The following DHX29 variants were observed in gnomAD, a reference collection of about 807,000 sequenced individuals.
DHX29 encodes ATP-dependent RNA helicase DHX29.
A neutral mutation model predicts 167.9 loss-of-function variants in DHX29; 79 were observed. The ratio of observed to expected loss-of-function variants is 0.47; its 90% CI spans 0.39 to 0.57. The LOEUF is 0.57. Ranked by LOEUF, DHX29 falls within the 20% of genes least tolerant of loss-of-function variation. The pLI is 0.00. For missense variants in DHX29, 1,347 were observed against 1,593.4 expected (o/e 0.85, Z 2.63); for synonymous variants, 530 against 546.0 (o/e 0.97, Z 0.41).
At chr5:55,292,445 G>A (rs1000578405) in intron 6 of DHX29, among the ~76,000 whole-genome samples, 1 of 151,976 alleles carries the variant, frequency 6.6e-6, no homozygotes, top group African/African-American at 2.4e-5. Context: ...TCACACCTGA[G>A]CAAGTGCAAT....
intron 21 of DHX29, among the ~76,000 whole-genome samples, 188 bp from the exon 22 acceptor site, chr5:55,268,010 CTT>C (rs1324317575): frequency 4.6e-5 from 7 of 151,894 alleles, no homozygotes; most frequent in African/African-American, 9.7e-5. Context: ...CTATAGCTAA[CTT>C]ATATTTTCAT....
chr5:55,280,234 T>C (rs756629803), intron 12 of DHX29, among the ~76,000 whole-genome samples: 1 of 152,182 alleles, frequency 6.6e-6, no homozygotes, highest in Non-Finnish European at 1.5e-5. Context: ...TGGAGCTCAA[T>C]TCAGTTAACT....
intron 21 of DHX29, 99 bp from the exon 22 acceptor site, chr5:55,267,921 T>TTA: frequency 1.3e-6 from 1 of 748,490 alleles, no homozygotes; most frequent in Non-Finnish European, 1.9e-6. Flanking sequence ...CAATCACACT[T>TTA]TAAGTTGCCT....
Position 55,295,415 on chromosome 5 carries a change from A to T in DHX29, c.615T>A (p.Pro205=). ...GGTCCTCTTCATATGTTTTTGTTTT[A>T]GGTTGCAATGGAGGTGAAATAGTGG... The part of the protein sequence containing the change: ...IQATISPPLQ[P]KTKTYEEDPK... Residue 205 remains proline (P), a synonymous_variant, in exon 5 of 27, where the codon CCT becomes CCA. Transcript: ENST00000251636. 1.2e-6 allele frequency: 2 copies of T among 1,613,444 alleles called. No homozygotes were observed. The highest frequency in any genetic ancestry group is 2.2e-5 in the East Asian group (1 of 44,828).
chr5:55,273,551 C>T, intron 16 of DHX29, 174 bp from the exon 17 acceptor site: 1 of 712,582 alleles, frequency 1.4e-6, no homozygotes, highest in East Asian at 3.4e-5. Flanking sequence ...ACATGCATCA[C>T]AAAGAATATA....
intron 18 of DHX29, among the ~76,000 whole-genome samples, chr5:55,271,783 T>G (rs954237726): frequency 5.3e-5 from 8 of 152,252 alleles, no homozygotes; most frequent in African/African-American, 1.9e-4. Flanking sequence ...GAATGCTTTT[T>G]GTTAAACAAT....
At chr5:55,286,802 A>G (rs1747753352) in intron 8 of DHX29, among the ~76,000 whole-genome samples, 1 of 152,236 alleles carries the variant, frequency 6.6e-6, no homozygotes, top group African/African-American at 2.4e-5. Flanking sequence ...ACTGGATAGT[A>G]CAGATATAGA....
In DHX29 at chr5:55,271,643, G is replaced by C. The variant is rs80189734; in HGVS notation, c.2864+444C>G. ...ACTCCGTCTCAAAAATAAAATAAAA[G>C]AAATTTTCATTTTACCCATTTACAA... On this transcript the variant is annotated intron_variant, in intron 18 of 26. Transcript: ENST00000251636. Among the ~76,000 whole-genome samples, 49 of 152,168 alleles carry C rather than the reference G, an allele frequency of 3.2e-4. No individual in the cohort carries two copies. In the East Asian group the frequency reaches 9.5e-3, roughly 29 times the overall value.
At chr5:55,257,541 C>T (rs1026912805) in intron 26 of DHX29, among the ~76,000 whole-genome samples, 1 of 152,212 alleles carries the variant, frequency 6.6e-6, no homozygotes, top group Non-Finnish European at 1.5e-5. Flanking sequence ...CTTCCCATCT[C>T]AGCCCTCTGA....
rs188160971 is a variant in DHX29 at position 55,270,393 on chromosome 5, C to A, written c.3069+19G>T. ...AAAGGGGCGAAGGACAAAATCCATC[C>A]GAGTTCCCTTGAGATTACCATAATA... On this transcript the variant is annotated intron_variant, in intron 20 of 26. Transcript: ENST00000251636. The A allele has an allele frequency of 7.1e-4, 1,134 of 1,588,352 alleles. 9 individuals are homozygous for A. In the Middle Eastern group the frequency reaches 0.012, roughly 17 times the overall value.
chr5:55,274,711 T>C lies in DHX29; in HGVS notation c.2593A>G (p.Asn865Asp). 1 of 1,593,066 alleles carries C rather than the reference T, an allele frequency of 6.3e-7. No homozygotes were observed. The highest frequency in any genetic ancestry group is 8.5e-7 in the Non-Finnish European group (1 of 1,173,596). Reference sequence around the variant, plus strand: ...AAGATCAATACTGCTCCTTCAATATTTCTGAATTGGGGACTTTTATCTGAA... The same window carrying C: ...AAGATCAATACTGCTCCTTCAATATCTCTGAATTGGGGACTTTTATCTGAA... ...AYLDKSPQFR[N>D]IEGAVLIFLP... Residue 865 changes from asparagine to aspartate, a missense_variant, in exon 16 of 27, where the codon AAT becomes GAT. By Grantham distance (23) the Asn-to-Asp change is conservative. Coordinates refer to ENST00000251636, the MANE Select transcript of DHX29 (RefSeq NM_019030.4).
chr5:55,272,841 T>C (rs370398682), intron 17 of DHX29, among the ~76,000 whole-genome samples: 1 of 152,120 alleles, frequency 6.6e-6, no homozygotes, highest in Non-Finnish European at 1.5e-5. Flanking sequence ...AAAATCACAT[T>C]AATGAGAACT....
At chr5:55,303,424 G>C (rs1456686944) in intron 1 of DHX29, among the ~76,000 whole-genome samples, 1 of 152,170 alleles carries the variant, frequency 6.6e-6, no homozygotes, top group Non-Finnish European at 1.5e-5. Flanking sequence ...GAGTAATAAA[G>C]GGGAAGTGCA....
At position 55,307,693 on chromosome 5, in the gene DHX29, T is replaced by A; in HGVS notation, c.-120A>T. On this transcript the variant is annotated 5_prime_UTR_variant, in exon 1 of 27. Coordinates refer to ENST00000251636, the MANE Select transcript of DHX29 (RefSeq NM_019030.4). ...CACCCTGCGCTTCGATCCGGGCTTC[T>A]CGGGCCGGGGCGACCGCTGCCTCGC... 7.4e-7 allele frequency: 1 copy of A among 1,349,610 alleles called. No homozygotes were observed. The allele number at this position is 1,349,610 out of a possible 1,614,324, so 83.6% of individuals were successfully genotyped here.
intron 4 of DHX29, 76 bp from the exon 5 acceptor site, chr5:55,295,600 T>C (rs1389537289): frequency 3.4e-6 from 5 of 1,485,008 alleles, no homozygotes; most frequent in Middle Eastern, 1.8e-4. Flanking sequence ...GTTAAGCATT[T>C]GTAAACCTTG....
intron 26 of DHX29, among the ~76,000 whole-genome samples, chr5:55,259,020 A>G (rs1409077623): frequency 6.6e-6 from 1 of 152,146 alleles, no homozygotes; most frequent in Non-Finnish European, 1.5e-5. Flanking sequence ...ATATATACAT[A>G]TATTTCTTAG....
Position 55,290,251 on chromosome 5 carries a change from C to G in DHX29, c.874G>C (p.Glu292Gln). 1 of 1,611,068 alleles carries G rather than the reference C, an allele frequency of 6.2e-7. No individual in the cohort carries two copies. Among genetic ancestry groups the G allele is most frequent in the Non-Finnish European group, 8.5e-7 (1 of 1,179,570 alleles). The change falls in exon 7 of 27, where the codon GAG becomes CAG. Residue 292 changes from glutamate to glutamine, a missense_variant. By Grantham distance (29) the Glu-to-Gln change is conservative. Transcript: ENST00000251636. ...AATTTCCTTATTTTTTCCTGAGCCT[C>G]TTTTTGGCCTTGCTTGTTTTTTTCT... The part of the protein sequence containing the change: ...KLEKNKQGQK[E>Q]AQEKIRKFQR...
In DHX29 at chr5:55,296,258, T is replaced by C; in HGVS notation, c.467A>G (p.His156Arg). ...TNTLLYGGDL[H>R]SALDWLCLNL... is the part of the protein sequence containing the mutation. ...TAAACAGAGCCAATCCAAGGCAGAA[T>C]GAAGGTCACCTCCATATAAGAGTGT... is the stretch of plus-strand genomic sequence containing the variant. Residue 156 changes from histidine to arginine, a missense_variant, in exon 4 of 27, where the codon CAT (histidine) becomes CGT (arginine). By Grantham distance (29) the His-to-Arg change is conservative. Transcript: ENST00000251636. 1 of 1,613,524 alleles carries C rather than the reference T, an allele frequency of 6.2e-7. No individual in the cohort carries two copies. Among genetic ancestry groups the C allele is most frequent in the Admixed American group, 1.7e-5 (1 of 59,992 alleles).
At chr5:55,305,021 A>C (rs551000568) in intron 1 of DHX29, among the ~76,000 whole-genome samples, 45 of 152,292 alleles carry the variant, frequency 3.0e-4, no homozygotes, top group Admixed American at 2.0e-3. Context: ...GGTCTTAATA[A>C]TTCCTTTGAA....
Sources: allele counts gnomAD v4.1 joint callset (sites outside exome capture counted in the v4.1 genomes callset), GRCh38; gene constraint gnomAD v4.1.1; transcripts MANE v1.5; gene names NCBI Gene and HGNC (gene_info 2026-07-23, HGNC 2026-07-21).